The following CPNE4 variants were observed in gnomAD, a reference collection of about 807,000 sequenced individuals.
The protein encoded by CPNE4 is copine-4.
CPNE4 carries 25 observed loss-of-function variants against 67.9 expected under a neutral mutation model. The ratio of observed to expected loss-of-function variants is 0.37; its 90% CI spans 0.27 to 0.51. The LOEUF (loss-of-function observed/expected upper bound fraction) is 0.51, where lower values mean the gene tolerates loss of function less well. Ranked by LOEUF, CPNE4 falls within the 20% of genes least tolerant of loss-of-function variation. The pLI is 0.93. For missense variants in CPNE4, 464 were observed against 690.8 expected (o/e 0.67, Z 3.68); for synonymous variants, 242 against 244.9 (o/e 0.99, Z 0.11).
chr3:131,583,688 G>A (rs1252059147), intron 8 of CPNE4, among the ~76,000 whole-genome samples: 1 of 152,116 alleles, frequency 6.6e-6, no homozygotes, highest in African/African-American at 2.4e-5. Context: ...AGATACTTGG[G>A]GTCCTTGTAC....
chr3:131,800,628 T>G (rs2084066589), intron 2 of CPNE4, among the ~76,000 whole-genome samples: 1 of 152,128 alleles, frequency 6.6e-6, no homozygotes, highest in South Asian at 2.1e-4. Context: ...ATGTTGTCCA[T>G]GTGCAGGCTG....
At chr3:131,924,639 T>C (rs1381200050) in intron 1 of CPNE4, among the ~76,000 whole-genome samples, 3 of 152,174 alleles carry the variant, frequency 2.0e-5, no homozygotes, top group East Asian at 1.9e-4. Flanking sequence ...TATTCTAATA[T>C]GCATCAAAAT....
At chr3:131,801,372 C>CATATATATATATGTACCAT (rs2084102889) in intron 2 of CPNE4, among the ~76,000 whole-genome samples, 1 of 86,212 alleles carries the variant, frequency 1.2e-5, no homozygotes, top group African/African-American at 4.4e-5. Flanking sequence ...ATATATGTAC[C>CATATATATATATGTACCAT]ATATATATAT....
intron 2 of CPNE4, among the ~76,000 whole-genome samples, chr3:131,874,651 A>T (rs1032940763): frequency 6.6e-6 from 1 of 152,214 alleles, no homozygotes; most frequent in Non-Finnish European, 1.5e-5. Context: ...ATTGGGCTGA[A>T]TTTAAAATAA....
intron 7 of CPNE4, among the ~76,000 whole-genome samples, chr3:131,665,091 T>C (rs1190703634): frequency 6.6e-6 from 1 of 152,114 alleles, no homozygotes; most frequent in Non-Finnish European, 1.5e-5. Flanking sequence ...GCCAGGTGCA[T>C]TGGCTCACGC....
At chr3:131,567,659 G>T (rs1467641274) in intron 10 of CPNE4, among the ~76,000 whole-genome samples, 1 of 151,912 alleles carries the variant, frequency 6.6e-6, no homozygotes, top group African/African-American at 2.4e-5. Context: ...CTTAACTAGG[G>T]TGGGGCAAAG....
chr3:131,938,999 A>G (rs887448764), intron 1 of CPNE4, among the ~76,000 whole-genome samples: 1 of 152,162 alleles, frequency 6.6e-6, no homozygotes, highest in Non-Finnish European at 1.5e-5. Context: ...TGTTGATGCT[A>G]TGGGAGAATG....
At position 131,747,369 on chromosome 3, in the gene CPNE4, G is replaced by C. The variant is rs2082517883; in HGVS notation, c.181-23744C>G. On this transcript the variant is annotated intron_variant, in intron 2 of 15. Transcript: ENST00000429747. ...TTCTTTCCTATACTGATGCAATGGAGTTTTTCCTTGATTTCCTCTAGTAGC... is the reference window on the plus strand; with the variant it reads ...TTCTTTCCTATACTGATGCAATGGACTTTTTCCTTGATTTCCTCTAGTAGC... 2.0e-5 allele frequency among the ~76,000 whole-genome samples: 3 copies of C among 151,942 alleles called. No individual in the cohort carries two copies. In the South Asian group the frequency reaches 6.2e-4, roughly 32 times the overall value.
chr3:131,535,142 T>G lies in CPNE4; in HGVS notation c.*53A>C. 6.6e-7 allele frequency: 1 copy of G among 1,517,894 alleles called. No homozygotes were observed. Among genetic ancestry groups the G allele is most frequent in the Non-Finnish European group, 8.9e-7 (1 of 1,125,218 alleles). The allele number at this position is 1,517,894 out of a possible 1,614,324, so 94.0% of individuals were successfully genotyped here. ...ACAGGAGTAGTAGAAGTATTAAATA[T>G]GAAATATTAGCAGGAATAGTATTTC... On this transcript the variant is annotated 3_prime_UTR_variant, in exon 16 of 16. Transcript: ENST00000429747.
At chr3:131,632,731 A>G (rs2107780707) in intron 7 of CPNE4, among the ~76,000 whole-genome samples, 1 of 152,268 alleles carries the variant, frequency 6.6e-6, no homozygotes, top group Middle Eastern at 3.4e-3. Flanking sequence ...CCCAAAGCTG[A>G]GTCCTTGAGC....
At chr3:131,957,683 CT>C (rs2072018059) in intron 1 of CPNE4, among the ~76,000 whole-genome samples, 1 of 152,166 alleles carries the variant, frequency 6.6e-6, no homozygotes, top group African/African-American at 2.4e-5. Context: ...TCAGATCCTG[CT>C]AACTGTGGGA....
intron 3 of CPNE4, among the ~76,000 whole-genome samples, chr3:131,702,228 A>G (rs2047790): frequency 0.22 from 33,847 of 152,128 alleles, 4,571 homozygotes; most frequent in South Asian, 0.31. Context: ...ATAGCAATGT[A>G]GCAATGGAAA....
chr3:132,014,148 A>C (rs2107680696), intron 1 of CPNE4, among the ~76,000 whole-genome samples: 1 of 152,320 alleles, frequency 6.6e-6, no homozygotes, highest in South Asian at 2.1e-4. Context: ...CTGCCAGTGA[A>C]GAGTCTTGGA....
intron 2 of CPNE4, among the ~76,000 whole-genome samples, chr3:131,861,565 G>T (rs987411528): frequency 2.6e-5 from 4 of 151,878 alleles, no homozygotes; most frequent in African/African-American, 9.7e-5. Context: ...CAAGTAGTTG[G>T]GATTACAGGC....
chr3:131,792,663 G>GTATATATGTATA (rs1560322058), intron 2 of CPNE4, among the ~76,000 whole-genome samples: 20 of 48,060 alleles, frequency 4.2e-4, no homozygotes, highest in Non-Finnish European at 6.7e-4. Flanking sequence ...ATACACACGT[G>GTATATATGTATA]TATATATACA....
intron 2 of CPNE4, among the ~76,000 whole-genome samples, chr3:131,743,160 A>T (rs1047013770): frequency 6.6e-6 from 1 of 152,202 alleles, no homozygotes; most frequent in Non-Finnish European, 1.5e-5. Context: ...AAATAATATC[A>T]TATGTGTTTC....
chr3:131,596,388 C>T (rs999148828), intron 7 of CPNE4, among the ~76,000 whole-genome samples: 5 of 116,668 alleles, frequency 4.3e-5, no homozygotes, highest in Admixed American at 7.6e-5. Flanking sequence ...TTTGGGAGGC[C>T]GAGGCGGGCG....
intron 1 of CPNE4, among the ~76,000 whole-genome samples, chr3:132,006,654 C>CT (rs1583589413): frequency 5.8e-5 from 2 of 34,578 alleles, no homozygotes; most frequent in African/African-American, 3.9e-4. Flanking sequence ...CCTTTCTTTC[C>CT]ATTTTTTTTT....
chr3:131,807,542 T>G (rs1328635808), intron 2 of CPNE4, among the ~76,000 whole-genome samples: 1 of 152,110 alleles, frequency 6.6e-6, no homozygotes, highest in Non-Finnish European at 1.5e-5. Flanking sequence ...TAGTAGTGAA[T>G]GTCCTAGTGT....
Sources: gnomAD v4.1 joint callset for allele counts (sites outside exome capture counted in the v4.1 genomes callset) on GRCh38, gnomAD v4.1.1 for gene constraint, MANE v1.5 for transcripts, NCBI Gene and HGNC (gene_info 2026-07-23, HGNC 2026-07-21) for gene names.